Variants in ME3 observed in about 807,000 individuals in gnomAD.
The protein encoded by ME3 is malic enzyme 3, also known as NADP-dependent malic enzyme, mitochondrial.
Under a neutral mutation model 68.9 loss-of-function variants are expected in ME3, and 48 were observed. That is an observed-to-expected ratio of 0.70 (90% confidence interval 0.55 to 0.89). ME3 has a LOEUF of 0.89. ME3 is among the 40% of genes least tolerant of loss of function. The pLI, the probability that ME3 is intolerant of heterozygous loss-of-function variation, is 0.00. For synonymous variants in ME3, 320 were observed against 318.8 expected (o/e 1.00, Z -0.04); for missense variants, 675 against 797.4 (o/e 0.85, Z 1.85).
intron 2 of ME3, among the ~76,000 whole-genome samples, chr11:86,563,850 A>C (rs1957354276): frequency 6.6e-6 from 1 of 152,124 alleles, no homozygotes; most frequent in African/African-American, 2.4e-5. Flanking sequence ...TGGTTACTGT[A>C]GCTTTAAGTA....
chr11:86,522,762 T>C (rs1422367287), intron 4 of ME3, among the ~76,000 whole-genome samples: 2 of 152,224 alleles, frequency 1.3e-5, no homozygotes, highest in African/African-American at 2.4e-5. Context: ...TGCCACATTT[T>C]CTTTATCCAG....
At chr11:86,562,211 C>T (rs183928285) in intron 2 of ME3, among the ~76,000 whole-genome samples, 10 of 152,238 alleles carry the variant, frequency 6.6e-5, no homozygotes, top group Non-Finnish European at 2.9e-5. Context: ...CTTAGAAATA[C>T]GCACCTAGAG....
chr11:86,503,503 T>C (rs965235628), intron 5 of ME3, among the ~76,000 whole-genome samples: 1 of 152,208 alleles, frequency 6.6e-6, no homozygotes, highest in African/African-American at 2.4e-5. Flanking sequence ...CCTCAGGGGC[T>C]CAGCGAGCCT....
At chr11:86,544,480 C>G (rs1956243728) in intron 4 of ME3, among the ~76,000 whole-genome samples, 1 of 152,186 alleles carries the variant, frequency 6.6e-6, no homozygotes, top group African/African-American at 2.4e-5. Flanking sequence ...GATATCACCA[C>G]TGATTCCATA....
chr11:86,489,845 A>G (rs896957056), intron 6 of ME3, among the ~76,000 whole-genome samples: 1 of 151,814 alleles, frequency 6.6e-6, no homozygotes, highest in Non-Finnish European at 1.5e-5. Context: ...GTGTCTCCCC[A>G]GTACCTTTCT....
intron 4 of ME3, among the ~76,000 whole-genome samples, chr11:86,509,232 A>C (rs1953319485): frequency 6.6e-6 from 1 of 152,160 alleles, no homozygotes; most frequent in East Asian, 1.9e-4. Flanking sequence ...CCCTCCTCCC[A>C]AGTACAGACC....
chr11:86,593,440 T>A (rs2139677797), intron 2 of ME3, among the ~76,000 whole-genome samples: 1 of 146,790 alleles, frequency 6.8e-6, no homozygotes, highest in African/African-American at 2.5e-5. Flanking sequence ...TAATATTTCG[T>A]AAAACAATAC....
At chr11:86,556,394 AT>A (rs11366218) in intron 4 of ME3, among the ~76,000 whole-genome samples, 158 bp downstream of exon 4, 13,427 of 152,236 alleles carry the variant, frequency 0.088, 675 homozygotes, top group African/African-American at 0.12. Flanking sequence ...TTACGGGGTC[AT>A]TTTTCTGAGC....
chr11:86,506,532 C>T (rs1953086615), intron 5 of ME3, among the ~76,000 whole-genome samples: 2 of 152,142 alleles, frequency 1.3e-5, no homozygotes, highest in African/African-American at 4.8e-5. Flanking sequence ...CTCACCAAGC[C>T]CCTGTGTCAG....
chr11:86,623,252 C>G (rs1164211222), intron 2 of ME3, among the ~76,000 whole-genome samples: 3 of 152,122 alleles, frequency 2.0e-5, no homozygotes, highest in Non-Finnish European at 1.5e-5. Context: ...CCTCTTGAGC[C>G]AGGACATCCA....
At chr11:86,441,261 C>A in exon 15 of ME3, 1 of 1,561,494 alleles carries the variant, frequency 6.4e-7, no homozygotes, top group Non-Finnish European at 8.6e-7. Context: ...TAGCCCCATA[C>A]TAGCCTCTGA....
intron 2 of ME3, among the ~76,000 whole-genome samples, chr11:86,648,423 A>G (rs961360269): frequency 2.0e-5 from 3 of 152,186 alleles, no homozygotes; most frequent in Non-Finnish European, 4.4e-5. Context: ...GAACTAGAGA[A>G]GCAAAAGCAA....
chr11:86,653,414 T>A (rs1211780244), intron 2 of ME3, among the ~76,000 whole-genome samples: 1 of 152,274 alleles, frequency 6.6e-6, no homozygotes, highest in Non-Finnish European at 1.5e-5. Context: ...CACAGTGCAA[T>A]CAAACTAGAA....
chr11:86,554,800 T>A (rs1956850444), intron 4 of ME3, among the ~76,000 whole-genome samples: 1 of 152,220 alleles, frequency 6.6e-6, no homozygotes. Context: ...GACAATTACT[T>A]GCCAAGTATT....
chr11:86,567,243 A>AAAAGG (rs1437097148), intron 2 of ME3, among the ~76,000 whole-genome samples: 125 of 144,578 alleles, frequency 8.6e-4, no homozygotes, highest in South Asian at 1.2e-3. Flanking sequence ...GAAAAGAAAG[A>AAAAGG]AAGGAAGGAA....
chr11:86,522,612 T>G (rs1478690609), intron 4 of ME3, among the ~76,000 whole-genome samples: 1 of 152,056 alleles, frequency 6.6e-6, no homozygotes, highest in Non-Finnish European at 1.5e-5. Context: ...CTCCCACATG[T>G]GAGCGAGAAC....
At chr11:86,540,951 T>C (rs544275660) in intron 4 of ME3, among the ~76,000 whole-genome samples, 28 of 152,148 alleles carry the variant, frequency 1.8e-4, no homozygotes, top group African/African-American at 4.8e-4. Flanking sequence ...GCTCATCTCA[T>C]TGGGATTGGT....
intron 4 of ME3, among the ~76,000 whole-genome samples, chr11:86,539,334 C>A (rs1955891573): frequency 6.6e-6 from 1 of 152,142 alleles, no homozygotes; most frequent in African/African-American, 2.4e-5. Flanking sequence ...TAAGAACCAA[C>A]AATTCAATGG....
intron 2 of ME3, among the ~76,000 whole-genome samples, chr11:86,666,543 C>T (rs1280997189): frequency 6.6e-6 from 1 of 152,230 alleles, no homozygotes; most frequent in Non-Finnish European, 1.5e-5. Context: ...AATACCAATA[C>T]TTAGTAATCC....
Sources: allele counts gnomAD v4.1 joint callset (sites outside exome capture counted in the v4.1 genomes callset), GRCh38; gene constraint gnomAD v4.1.1; transcripts MANE v1.5; gene names NCBI Gene and HGNC (gene_info 2026-07-23, HGNC 2026-07-21).